The following ZFP2 variants were observed in gnomAD, a reference collection of about 807,000 sequenced individuals.
ZFP2 encodes the protein zinc finger protein ZFP2.
ZFP2 carries 33 observed loss-of-function variants against 36.1 expected under a neutral mutation model. That is an observed-to-expected ratio of 0.92 (90% CI 0.69 to 1.22). The LOEUF is 1.22. Among genes scored for constraint, ZFP2 ranks in the 50% most tolerant of loss-of-function variants. The probability of loss-of-function intolerance (pLI) is 0.00; values close to 1 mark genes in which losing one functional copy is unlikely to be tolerated. For synonymous variants in ZFP2, 170 were observed against 178.0 expected, an observed-to-expected ratio of 0.96 and a Z score of 0.36; for missense variants, 522 against 551.4, an observed-to-expected ratio of 0.95 and a Z score of 0.53.
rs1758689079 is a variant in ZFP2, at chr5:178,927,048, T to C, written c.-77-4189T>C. Among the ~76,000 whole-genome samples the C allele has an allele frequency of 1.3e-5, 2 of 151,728 alleles. 1 individual carries two copies. The highest frequency in any genetic ancestry group is 4.2e-4 in the South Asian group (2 of 4,814). The stretch of plus-strand genomic sequence containing the variant: ...CAGTGTTGATCTCTCTCTGTTGACT[T>C]CGATCAGCAATCGGAAAGCTGATTC... On this transcript the variant is annotated intron_variant, in intron 4 of 4. Transcript: ENST00000361362.
Position 178,932,934 on chromosome 5 carries a change from A to T in ZFP2, c.*235A>T. The T allele has an allele frequency of 2.1e-6, 1 of 478,508 alleles. No individual in the cohort carries two copies. Among genetic ancestry groups the T allele is most frequent in the Non-Finnish European group, 3.7e-6 (1 of 271,788 alleles). 29.6% of individuals were successfully genotyped at this position (478,508 alleles called of 1,614,324 possible). A position where few individuals can be genotyped will look rare whatever the true frequency, so the allele number is the denominator to read the frequency against. On this transcript the variant is annotated 3_prime_UTR_variant, in exon 5 of 5. Transcript: ENST00000361362. Reference sequence around the variant, plus strand: ...TTTAAATAGCTAATATAAACAATGAAGAGTCATGCTGAAGATAAGTTCTGT... The same window carrying T: ...TTTAAATAGCTAATATAAACAATGATGAGTCATGCTGAAGATAAGTTCTGT...
At chr5:178,919,900 G>A (rs1758518143) in intron 4 of ZFP2, among the ~76,000 whole-genome samples, 1 of 151,946 alleles carries the variant, frequency 6.6e-6, no homozygotes. Flanking sequence ...GGAGGTGAAG[G>A]TTGCAGTGAG....
chr5:178,902,613 G>A (rs1758083040), intron 1 of ZFP2, among the ~76,000 whole-genome samples: 1 of 152,100 alleles, frequency 6.6e-6, no homozygotes, highest in South Asian at 2.1e-4. Flanking sequence ...GATTCAGATT[G>A]TGATTAATTA....
chr5:178,896,035 G>A (rs1365492613), intron 1 of ZFP2, 61 bp downstream of exon 1: 4 of 152,382 alleles, frequency 2.6e-5, no homozygotes, highest in Non-Finnish European at 4.4e-5. Context: ...GCCCCCGCAG[G>A]AGGAGCTCCG....
chr5:178,932,666 A>AAGT lies in ZFP2; in HGVS notation c.1354_1355insGTA (p.Thr451_Asn452insSer), dbSNP rs1266520647. The AAGT allele has an allele frequency of 6.2e-7, 1 of 1,610,762 alleles. No individual in the cohort carries two copies. Among genetic ancestry groups the AAGT allele is most frequent in the African/African-American group, 1.3e-5 (1 of 74,758 alleles). ...GCGGAAAAGCCTTCAGCCGGAGTACAAACCTTACACGACATCAAAGAACTC... is the reference window on the plus strand; with the variant it reads ...GCGGAAAAGCCTTCAGCCGGAGTACAAGTAACCTTACACGACATCAAAGAACTC... On this transcript the variant is annotated inframe_insertion, in exon 5 of 5. Coordinates refer to ENST00000361362, the MANE Select transcript of ZFP2 (RefSeq NM_030613.4).
Position 178,917,444 on chromosome 5 carries a change from G to A in ZFP2, c.-78+734G>A, listed in dbSNP as rs972134835. The stretch of plus-strand genomic sequence containing the variant: ...AGTCTGGCCAACATGGTGAAACCCC[G>A]TCTCTACTAAAAATACAAAAATTAG... On this transcript the variant is annotated intron_variant, in intron 4 of 4. Coordinates refer to ENST00000361362, the MANE Select transcript of ZFP2 (RefSeq NM_030613.4). Among the ~76,000 whole-genome samples the A allele has an allele frequency of 8.5e-5, 13 of 152,090 alleles. 1 individual carries two copies. Among genetic ancestry groups the A allele is most frequent in the South Asian group, 4.2e-4 (2 of 4,806 alleles).
intron 1 of ZFP2, among the ~76,000 whole-genome samples, chr5:178,909,369 T>G (rs966548261): frequency 6.6e-6 from 1 of 152,218 alleles, no homozygotes; most frequent in African/African-American, 2.4e-5. Context: ...TGTAGATCAT[T>G]GCTTGATAAA....
At position 178,929,547 on chromosome 5, in the gene ZFP2, A is replaced by G. The variant is rs114227168; in HGVS notation, c.-77-1690A>G. On this transcript the variant is annotated intron_variant, in intron 4 of 4. Coordinates refer to ENST00000361362, the MANE Select transcript of ZFP2 (RefSeq NM_030613.4). ...GTACAGCCAAGGTCTTTGCTAAAGC[A>G]TAGCAAAAATGACCTTTGCTGCAGT... Among the ~76,000 whole-genome samples the G allele has an allele frequency of 6.4e-3, 969 of 152,314 alleles. 13 individuals are homozygous for G. Among genetic ancestry groups the G allele is most frequent in the African/African-American group, 0.022 (934 of 41,566 alleles).
At chr5:178,914,509 T>C (rs1410397319) in intron 3 of ZFP2, among the ~76,000 whole-genome samples, 1 of 152,256 alleles carries the variant, frequency 6.6e-6, no homozygotes, top group African/African-American at 2.4e-5. Flanking sequence ...TTACTATTGA[T>C]ATTTGTATTC....
intron 4 of ZFP2, among the ~76,000 whole-genome samples, chr5:178,925,671 G>A (rs1466216991): frequency 4.0e-5 from 6 of 148,968 alleles, no homozygotes; most frequent in African/African-American, 7.3e-5. Flanking sequence ...CTTTGCTTAC[G>A]TTTGCAGACC....
chr5:178,920,236 C>A (rs1195319173), intron 4 of ZFP2, among the ~76,000 whole-genome samples: 1 of 152,090 alleles, frequency 6.6e-6, no homozygotes, highest in East Asian at 1.9e-4. Context: ...TGAATAATTT[C>A]TTTTAATCTG....
chr5:178,931,090 A>C, intron 4 of ZFP2, 147 bp from the exon 5 acceptor site: 1 of 790,976 alleles, frequency 1.3e-6, no homozygotes, highest in East Asian at 3.3e-5. Context: ...TCTCTACCTA[A>C]TTTTGGGTAC....
chr5:178,905,025 T>C (rs1396273857), intron 1 of ZFP2, among the ~76,000 whole-genome samples: 1 of 152,114 alleles, frequency 6.6e-6, no homozygotes, highest in African/African-American at 2.4e-5. Flanking sequence ...GTAAAGCAAC[T>C]CTTCCCTCAT....
intron 1 of ZFP2, among the ~76,000 whole-genome samples, chr5:178,900,025 G>A (rs1758022936): frequency 6.6e-6 from 1 of 152,070 alleles, no homozygotes; most frequent in African/African-American, 2.4e-5. Flanking sequence ...TTTTAAAATG[G>A]GGGTATTGGA....
At chr5:178,926,814 G>A (rs1192163920) in intron 4 of ZFP2, among the ~76,000 whole-genome samples, 5 of 151,644 alleles carry the variant, frequency 3.3e-5, no homozygotes, top group East Asian at 1.9e-4. Flanking sequence ...CACCACGCCC[G>A]GCCACCTGCT....
intron 1 of ZFP2, among the ~76,000 whole-genome samples, chr5:178,907,672 T>C (rs10039203): frequency 0.19 from 28,929 of 151,898 alleles, 2,983 homozygotes; most frequent in Non-Finnish European, 0.24. Flanking sequence ...ACCACAGTTT[T>C]CCTTAAAGTC....
Position 178,931,428 on chromosome 5 carries a change from A to G in ZFP2, c.115A>G (p.Thr39Ala), listed in dbSNP as rs1030927446. 6.2e-7 allele frequency: 1 copy of G among 1,614,138 alleles called. No individual in the cohort carries two copies. The highest frequency in any genetic ancestry group is 2.2e-5 in the East Asian group (1 of 44,870). ...LSQVGVTHKE[T>A]FTEMRVCGGN... ...CCAAGTGGGAGTTACCCATAAGGAAACCTTCACTGAGATGAGAGTATGTGG... is the reference window on the plus strand; with the variant it reads ...CCAAGTGGGAGTTACCCATAAGGAAGCCTTCACTGAGATGAGAGTATGTGG... The change falls in exon 5 of 5, where the codon ACC (threonine) becomes GCC (alanine). Residue 39 changes from threonine (T) to alanine (A), a missense_variant. Physicochemically the swap from Thr to Ala is moderately conservative, Grantham distance 58. Transcript: ENST00000361362.
intron 3 of ZFP2, among the ~76,000 whole-genome samples, chr5:178,913,505 C>G (rs1758346906): frequency 6.6e-6 from 1 of 152,194 alleles, no homozygotes; most frequent in Non-Finnish European, 1.5e-5. Context: ...TTTTCTCCTT[C>G]AAAGGAAACT....
intron 1 of ZFP2, among the ~76,000 whole-genome samples, chr5:178,905,676 G>A (rs1328680043): frequency 6.6e-6 from 1 of 152,100 alleles, no homozygotes. Context: ...TGGAAAGGAG[G>A]AAAGGAATAA....
Sources: allele counts gnomAD v4.1 joint callset (sites outside exome capture counted in the v4.1 genomes callset), GRCh38; gene constraint gnomAD v4.1.1; transcripts MANE v1.5; gene names NCBI Gene and HGNC (gene_info 2026-07-23, HGNC 2026-07-21).